CLEC1A: variants seen among roughly 807,000 people sequenced by gnomAD.
CLEC1A encodes the protein C-type lectin domain family 1 member A.
Under a neutral mutation model 28.7 loss-of-function variants are expected in CLEC1A, and 34 were observed. That is an observed-to-expected ratio of 1.18 (90% CI 0.90 to 1.57). The LOEUF (loss-of-function observed/expected upper bound fraction) is 1.57, where lower values mean the gene tolerates loss of function less well. Ranked by LOEUF, CLEC1A falls within the 40% of genes most tolerant of loss-of-function variation. The pLI is 0.00. For missense variants in CLEC1A, 385 were observed against 339.5 expected, an observed-to-expected ratio of 1.13 and a Z score of -1.05; for synonymous variants, 116 against 121.0, an observed-to-expected ratio of 0.96 and a Z score of 0.27.
chr12:10,093,694 A>G (rs1273831867), intron 1 of CLEC1A, among the ~76,000 whole-genome samples: 1 of 152,072 alleles, frequency 6.6e-6, no homozygotes. Context: ...GCTAGGATTA[A>G]ATTATGTTTA....
chr12:10,098,175 C>T (rs1947803541), intron 1 of CLEC1A, among the ~76,000 whole-genome samples: 1 of 151,780 alleles, frequency 6.6e-6, no homozygotes, highest in South Asian at 2.1e-4. Context: ...ATGTGGGATT[C>T]CTTTCAACAT....
rs186185123 is a variant in CLEC1A at position 10,084,770 on chromosome 12, C to T, written c.215-3357G>A. Among the ~76,000 whole-genome samples, 29 of 138,176 alleles carry T rather than the reference C, an allele frequency of 2.1e-4. 1 individual carries two copies. The East Asian group carries it at 6.0e-3, about 29-fold the overall frequency. The allele number at this position is 138,176 out of a possible 152,430, so 90.6% of individuals were successfully genotyped here. ...CCGGGAGGCGGAGCTTGCAGTGAAC[C>T]GAGATCGCGCCACTGCACTCCAGCC... is the stretch of plus-strand genomic sequence containing the variant. On this transcript the variant is annotated intron_variant, in intron 2 of 5. Transcript: ENST00000315330.
At chr12:10,071,558 A>G in intron 5 of CLEC1A, 45 bp from the exon 6 acceptor site, 2 of 1,414,342 alleles carry the variant, frequency 1.4e-6, no homozygotes, top group Non-Finnish European at 9.7e-7. Context: ...GTTTATTTCT[A>G]AAATAAAATA....
At chr12:10,090,823 T>TTAA (rs1555156969) in intron 1 of CLEC1A, among the ~76,000 whole-genome samples, 2 of 151,678 alleles carry the variant, frequency 1.3e-5, no homozygotes, top group African/African-American at 4.8e-5. Context: ...CTCCTTTTTT[T>TTAA]AAAAAAAATG....
At chr12:10,073,645 G>A (rs181215260) in intron 4 of CLEC1A, among the ~76,000 whole-genome samples, 2 of 152,244 alleles carry the variant, frequency 1.3e-5, no homozygotes, top group East Asian at 1.9e-4. Flanking sequence ...TTCTGAAAGC[G>A]GAAATCACAT....
intron 1 of CLEC1A, among the ~76,000 whole-genome samples, chr12:10,097,027 C>T (rs193129230): frequency 6.6e-5 from 10 of 152,234 alleles, no homozygotes; most frequent in Admixed American, 3.3e-4. Flanking sequence ...GAACAGGGAC[C>T]ATATCACATT....
Position 10,075,641 on chromosome 12 carries a change from G to T in CLEC1A, c.406C>A (p.Pro136Thr), listed in dbSNP as rs1303972643. ...YNKAGAHRCS[P>T]CTEQWKWHGD... ...TGCCATTTCCATTGTTCTGTACAAG[G>T]GCTGCACCTGTGTGCTTGGAAAAAA... Residue 136 changes from proline to threonine, a missense_variant, in exon 4 of 6, where the codon CCT becomes ACT. By Grantham distance (38) the Pro-to-Thr change is conservative (BLOSUM62 -1). Transcript: ENST00000315330. The T allele has an allele frequency of 6.2e-7, 1 of 1,613,350 alleles. No individual in the cohort carries two copies. The highest frequency in any genetic ancestry group is 8.5e-7 in the Non-Finnish European group (1 of 1,179,646).
rs992947113 is a variant in CLEC1A, at chr12:10,070,853, T to C, written c.*480A>G. ...CTGATGGATTGGGAAGGGACTAGTA[T>C]GAACTGAAACAAACAAAAAGAATTC... On this transcript the variant is annotated 3_prime_UTR_variant, in exon 6 of 6. Transcript: ENST00000315330. The C allele has an allele frequency of 3.9e-5, 6 of 153,378 alleles. No individual in the cohort carries two copies. In the South Asian group the frequency reaches 1.2e-3, roughly 31 times the overall value. 9.5% of individuals were successfully genotyped at this position (153,378 alleles called of 1,614,324 possible).
chr12:10,084,682 C>T (rs1339606507), intron 2 of CLEC1A, among the ~76,000 whole-genome samples: 5 of 151,672 alleles, frequency 3.3e-5, no homozygotes, highest in Non-Finnish European at 4.4e-5. Flanking sequence ...ATTAGCCAGG[C>T]GTGGTGGCAG....
At chr12:10,078,405 T>G (rs879180831) in intron 3 of CLEC1A, among the ~76,000 whole-genome samples, 2 of 152,206 alleles carry the variant, frequency 1.3e-5, no homozygotes, top group Admixed American at 1.3e-4. Context: ...CTGTTTTAAC[T>G]TAAAGCTTAT....
chr12:10,094,623 G>C (rs1947753023), intron 1 of CLEC1A, among the ~76,000 whole-genome samples: 3 of 152,102 alleles, frequency 2.0e-5, no homozygotes, highest in Admixed American at 2.0e-4. Flanking sequence ...ACTGATTCCA[G>C]AGCTGGACAT....
At chr12:10,084,140 C>G (rs1273941423) in intron 2 of CLEC1A, 1 of 152,206 alleles carries the variant, frequency 6.6e-6, no homozygotes, top group Non-Finnish European at 1.5e-5. Context: ...CAGGAAAACA[C>G]CCATGGTCTT....
intron 4 of CLEC1A, among the ~76,000 whole-genome samples, 192 bp from the exon 5 acceptor site, chr12:10,073,603 T>G (rs1217057723): frequency 6.6e-6 from 1 of 152,236 alleles, no homozygotes; most frequent in Non-Finnish European, 1.5e-5. Context: ...ATAACTTATT[T>G]TGTCTTAGTA....
At chr12:10,073,875 C>T (rs1019298860) in intron 4 of CLEC1A, among the ~76,000 whole-genome samples, 3 of 152,124 alleles carry the variant, frequency 2.0e-5, no homozygotes, top group Non-Finnish European at 4.4e-5. Context: ...TGATTTATGT[C>T]TTAGACTAGG....
intron 1 of CLEC1A, among the ~76,000 whole-genome samples, chr12:10,097,465 C>A (rs1170808706): frequency 6.6e-6 from 1 of 152,168 alleles, no homozygotes; most frequent in Non-Finnish European, 1.5e-5. Context: ...AAAACAAGAT[C>A]TCATATATGT....
rs903867872 is a variant in CLEC1A, at chr12:10,089,057, C to A, written c.214+67G>T. 14 of 1,206,202 alleles carry A rather than the reference C, an allele frequency of 1.2e-5. No homozygotes were observed. In the African/African-American group the frequency reaches 2.1e-4, roughly 18 times the overall value. The allele number at this position is 1,206,202 out of a possible 1,614,324, so 74.7% of individuals were successfully genotyped here. A position where few individuals can be genotyped will look rare whatever the true frequency, so the allele number is the denominator to read the frequency against. On this transcript the variant is annotated intron_variant, in intron 2 of 5. Transcript: ENST00000315330. ...TAAAGTTTAAAAAACAAATCCATAA[C>A]AAGTGTTTCTCATCCTAGACAAACC...
chr12:10,089,782 G>A (rs1337450246), intron 1 of CLEC1A, among the ~76,000 whole-genome samples: 1 of 151,870 alleles, frequency 6.6e-6, no homozygotes, highest in Non-Finnish European at 1.5e-5. Flanking sequence ...TGAAAGTCCC[G>A]CTATTGTAAG....
chr12:10,081,956 A>C (rs1328249868), intron 2 of CLEC1A, among the ~76,000 whole-genome samples: 1 of 152,092 alleles, frequency 6.6e-6, no homozygotes, highest in Non-Finnish European at 1.5e-5. Flanking sequence ...TAGATGCAAA[A>C]TATAAAAGTA....
chr12:10,095,855 C>A (rs998179473), intron 1 of CLEC1A, among the ~76,000 whole-genome samples: 1 of 152,138 alleles, frequency 6.6e-6, no homozygotes, highest in Non-Finnish European at 1.5e-5. Context: ...CTCCAAGACT[C>A]CTGCTTCTAC....
Sources: allele counts gnomAD v4.1 joint callset (sites outside exome capture counted in the v4.1 genomes callset), GRCh38; gene constraint gnomAD v4.1.1; transcripts MANE v1.5; gene names NCBI Gene and HGNC (gene_info 2026-07-23, HGNC 2026-07-21).